The following MECOM variants were observed in gnomAD, a reference collection of about 807,000 sequenced individuals.
The protein encoded by MECOM is histone-lysine N-methyltransferase MECOM.
Under a neutral mutation model 116.3 loss-of-function variants are expected in MECOM, and 13 were observed. The ratio of observed to expected loss-of-function variants is 0.11; its 90% CI spans 0.07 to 0.18. The LOEUF (loss-of-function observed/expected upper bound fraction) is 0.18. MECOM is among the 10% of genes least tolerant of loss of function. The pLI is 1.00. For synonymous variants in MECOM, 528 were observed against 535.2 expected (o/e 0.99, Z 0.19); for missense variants, 1,299 against 1,509.0 (o/e 0.86, Z 2.31).
chr3:169,504,150 AGTGTGTGTGTGTGTGTGTGTGTGTGT>A (rs3044764), intron 1 of MECOM, among the ~76,000 whole-genome samples: 17 of 132,670 alleles, frequency 1.3e-4, no homozygotes, highest in African/African-American at 4.3e-4. Context: ...GAAAAAGAGA[AGTGTGTGTGTGTGTGTGTGTGTGTGT>A]GTGTGTGTGT....
intron 1 of MECOM, among the ~76,000 whole-genome samples, chr3:169,623,440 C>T (rs1395987959): frequency 6.6e-6 from 1 of 152,076 alleles, no homozygotes; most frequent in African/African-American, 2.4e-5. Flanking sequence ...TCTAGGAGTT[C>T]TATGATTTAT....
intron 1 of MECOM, among the ~76,000 whole-genome samples, chr3:169,511,768 TAA>T (rs566797659): frequency 6.9e-6 from 1 of 143,958 alleles, no homozygotes. Flanking sequence ...GACTCTGTCT[TAA>T]AAAAAAAAAG....
chr3:169,129,506 T>C (rs1280134187), intron 4 of MECOM, among the ~76,000 whole-genome samples: 1 of 151,930 alleles, frequency 6.6e-6, no homozygotes, highest in Non-Finnish European at 1.5e-5. Flanking sequence ...TAGTTTATAC[T>C]AAACCAGTAA....
chr3:169,567,822 C>T (rs1445524064), intron 1 of MECOM, among the ~76,000 whole-genome samples: 2 of 152,118 alleles, frequency 1.3e-5, no homozygotes, highest in African/African-American at 4.8e-5. Flanking sequence ...TATCTGTACT[C>T]AGAGGTGGTA....
intron 2 of MECOM, among the ~76,000 whole-genome samples, chr3:169,271,775 A>G (rs2149656136): frequency 6.6e-6 from 1 of 152,336 alleles, no homozygotes; most frequent in Non-Finnish European, 1.5e-5. Flanking sequence ...ATTTTCCAGA[A>G]AAAAATAAAG....
At chr3:169,274,665 C>T (rs1420032146) in intron 2 of MECOM, among the ~76,000 whole-genome samples, 1 of 152,156 alleles carries the variant, frequency 6.6e-6, no homozygotes, top group African/African-American at 2.4e-5. Context: ...TATAAATGCA[C>T]TGTCAAATAC....
In MECOM at chr3:169,094,581, A is replaced by T. The variant is rs141024746; in HGVS notation, c.3019+495T>A. Among the ~76,000 whole-genome samples the T allele has an allele frequency of 2.1e-3, 324 of 152,326 alleles. 1 individual carries two copies. The highest frequency in any genetic ancestry group is 7.6e-3 in the African/African-American group (314 of 41,578). On this transcript the variant is annotated intron_variant, in intron 13 of 16. Coordinates refer to ENST00000651503, the MANE Select transcript of MECOM (RefSeq NM_004991.4). Reference sequence around the variant, plus strand: ...CTATCATTTGCTATGGGTTGCTCTGATCATGTCAATAGTCTCATATTCCCA... The same window carrying T: ...CTATCATTTGCTATGGGTTGCTCTGTTCATGTCAATAGTCTCATATTCCCA...
chr3:169,168,343 T>C (rs1743929357), intron 2 of MECOM, among the ~76,000 whole-genome samples: 1 of 151,364 alleles, frequency 6.6e-6, no homozygotes, highest in Non-Finnish European at 1.5e-5. Context: ...CCTGCTTTTT[T>C]TTTTTTTTTT....
chr3:169,591,016 T>C (rs965983543), intron 1 of MECOM, among the ~76,000 whole-genome samples: 2 of 152,142 alleles, frequency 1.3e-5, no homozygotes, highest in African/African-American at 4.8e-5. Flanking sequence ...CAAAGTGAAA[T>C]TGAGCAAATT....
chr3:169,148,654 A>C (rs191603075), intron 2 of MECOM, among the ~76,000 whole-genome samples: 1 of 152,276 alleles, frequency 6.6e-6, no homozygotes, highest in Admixed American at 6.5e-5. Context: ...AGGGGCTGGA[A>C]AGTGTGCTGA....
chr3:169,121,251 A>G (rs376805100), intron 6 of MECOM, 42 bp from the exon 7 acceptor site: 369 of 1,543,640 alleles, frequency 2.4e-4, no homozygotes, highest in Non-Finnish European at 1.4e-4. Context: ...AACTTAACTC[A>G]AGGGCACAAT....
At chr3:169,159,177 C>A (rs944775236) in intron 2 of MECOM, among the ~76,000 whole-genome samples, 4 of 152,178 alleles carry the variant, frequency 2.6e-5, no homozygotes, top group African/African-American at 9.7e-5. Flanking sequence ...AGACCATAGC[C>A]TTCTGATGTT....
intron 1 of MECOM, among the ~76,000 whole-genome samples, chr3:169,396,768 C>T (rs114564432): frequency 2.1e-3 from 317 of 152,120 alleles, no homozygotes; most frequent in African/African-American, 7.4e-3. Flanking sequence ...GTCTGGAGTT[C>T]GAGACCAGTG....
In MECOM at chr3:169,614,159, C is replaced by T. The variant is rs190138999; in HGVS notation, c.37+49177G>A. 3.6e-3 allele frequency among the ~76,000 whole-genome samples: 526 copies of T among 147,834 alleles called. 1 individual carries two copies. Among genetic ancestry groups the T allele is most frequent in the Middle Eastern group, 0.01 (3 of 292 alleles). On this transcript the variant is annotated intron_variant, in intron 1 of 16. Coordinates refer to ENST00000651503, the MANE Select transcript of MECOM (RefSeq NM_004991.4). ...TCTCTTTCTCTCTCTCATCTCTTTC[C>T]CACACACACAAACTAAAGCATGGGA...
chr3:169,229,659 C>G (rs1037588241), intron 2 of MECOM, among the ~76,000 whole-genome samples: 1 of 151,992 alleles, frequency 6.6e-6, no homozygotes, highest in Non-Finnish European at 1.5e-5. Flanking sequence ...AAAGCTAAGC[C>G]CAAAGTATCT....
chr3:169,462,944 T>G (rs1244597192), intron 1 of MECOM, among the ~76,000 whole-genome samples: 1 of 152,224 alleles, frequency 6.6e-6, no homozygotes, highest in Non-Finnish European at 1.5e-5. Flanking sequence ...AGGCTAATTT[T>G]TATTTACCAA....
At chr3:169,246,583 C>T (rs963706573) in intron 2 of MECOM, among the ~76,000 whole-genome samples, 5 of 141,644 alleles carry the variant, frequency 3.5e-5, no homozygotes, top group South Asian at 2.2e-4. Flanking sequence ...GGCTGGAGTG[C>T]GGTGGCACGA....
intron 1 of MECOM, among the ~76,000 whole-genome samples, chr3:169,434,442 GT>G (rs141314375): frequency 4.3e-4 from 64 of 149,178 alleles, no homozygotes; most frequent in East Asian, 2.0e-3. Context: ...AAAGTTTACT[GT>G]TTTTTTTTTG....
intron 2 of MECOM, among the ~76,000 whole-genome samples, chr3:169,309,161 A>G (rs1315565260): frequency 6.6e-6 from 1 of 152,186 alleles, no homozygotes; most frequent in South Asian, 2.1e-4. Flanking sequence ...GCAAGATCTA[A>G]AAGAAAAAAG....
Sources: allele counts gnomAD v4.1 joint callset (sites outside exome capture counted in the v4.1 genomes callset), GRCh38; gene constraint gnomAD v4.1.1; transcripts MANE v1.5; gene names NCBI Gene and HGNC (gene_info 2026-07-23, HGNC 2026-07-21).